NOX4: variants seen among roughly 807,000 people sequenced by gnomAD.
NOX4 encodes the protein kidney oxidase-1.
In NOX4, 69 loss-of-function variants were observed where a neutral mutation model predicts 87.6. The ratio of observed to expected loss-of-function variants is 0.79; its 90% CI spans 0.65 to 0.96. NOX4 has a LOEUF of 0.96. Ranked by LOEUF, NOX4 falls within the 40% of genes least tolerant of loss-of-function variation. The pLI, the probability that NOX4 is intolerant of heterozygous loss-of-function variation, is 0.00. For missense variants in NOX4, 680 were observed against 681.5 expected, an observed-to-expected ratio of 1.00 and a Z score of 0.02; for synonymous variants, 275 against 238.2, an observed-to-expected ratio of 1.15 and a Z score of -1.42.
the NOX4 span, among the ~76,000 whole-genome samples, chr11:89,582,206 C>A: frequency 6.6e-6 from 1 of 152,094 alleles, no homozygotes. Flanking sequence ...CTTTTTAAGG[C>A]TGAGTAATAT....
At chr11:89,424,734 A>C (rs1013739253) in intron 7 of NOX4, among the ~76,000 whole-genome samples, 5 of 152,070 alleles carry the variant, frequency 3.3e-5, no homozygotes, top group Non-Finnish European at 7.4e-5. Context: ...GGATACATTA[A>C]TTATTTTAAC....
At chr11:89,520,782 C>G in the NOX4 span, among the ~76,000 whole-genome samples, 1 of 152,076 alleles carries the variant, frequency 6.6e-6, no homozygotes, top group Non-Finnish European at 1.5e-5. Flanking sequence ...ATGATTCTAT[C>G]CCTAGAAAAC....
upstream of NOX4, among the ~76,000 whole-genome samples, chr11:89,499,779 G>A (rs140273174): frequency 0.011 from 1,728 of 152,202 alleles, 11 homozygotes; most frequent in Middle Eastern, 0.037. Flanking sequence ...AGAAACTGTG[G>A]AATTAATCTT....
intron 12 of NOX4, among the ~76,000 whole-genome samples, chr11:89,370,544 G>C (rs1156589676): frequency 6.6e-6 from 1 of 151,878 alleles, no homozygotes; most frequent in Non-Finnish European, 1.5e-5. Context: ...TGATAATCAA[G>C]TCAATAATCT....
chr11:89,519,231 G>C, the NOX4 span, among the ~76,000 whole-genome samples: 2 of 151,968 alleles, frequency 1.3e-5, no homozygotes, highest in African/African-American at 4.8e-5. Flanking sequence ...ATGGTTTTCA[G>C]GGAGTTAGGG....
At chr11:89,524,815 T>C in the NOX4 span, among the ~76,000 whole-genome samples, 1 of 152,132 alleles carries the variant, frequency 6.6e-6, no homozygotes, top group Non-Finnish European at 1.5e-5. Context: ...AACATTTTTG[T>C]GGTGAGAACA....
intron 12 of NOX4, among the ~76,000 whole-genome samples, chr11:89,358,712 T>G (rs1938278738): frequency 6.6e-6 from 1 of 151,672 alleles, no homozygotes; most frequent in African/African-American, 2.4e-5. Context: ...TGTTGTCTAT[T>G]TGATTATGAG....
chr11:89,366,554 TG>T (rs1939007112), intron 12 of NOX4, among the ~76,000 whole-genome samples: 1 of 151,802 alleles, frequency 6.6e-6, no homozygotes, highest in Non-Finnish European at 1.5e-5. Context: ...TCTGAGCCTG[TG>T]GTCCCAGTTA....
At chr11:89,449,089 C>T (rs997422819) in intron 4 of NOX4, among the ~76,000 whole-genome samples, 3 of 151,970 alleles carry the variant, frequency 2.0e-5, no homozygotes, top group African/African-American at 7.3e-5. Flanking sequence ...TCTGTAATTC[C>T]CTGTAGACAA....
At chr11:89,363,363 G>A (rs1435275836) in intron 12 of NOX4, among the ~76,000 whole-genome samples, 2 of 151,982 alleles carry the variant, frequency 1.3e-5, no homozygotes, top group Non-Finnish European at 2.9e-5. Flanking sequence ...ATCAGTTAAA[G>A]CATGTTTTAT....
At chr11:89,393,473 A>AT (rs762531862) in intron 11 of NOX4, among the ~76,000 whole-genome samples, 2 of 152,080 alleles carry the variant, frequency 1.3e-5, no homozygotes, top group Non-Finnish European at 1.5e-5. Flanking sequence ...CACACGACAG[A>AT]TTTTCAGTAC....
At position 89,460,310 on chromosome 11, in the gene NOX4, TG is replaced by T. The variant is rs1270187652; in HGVS notation, c.154-8416del. ...GGCAACAAAAGCCACAATTGACAAA[TG>T]GGATCTAATTAAACTAAAGAGCTTC... is the stretch of plus-strand genomic sequence containing the variant. On this transcript the variant is annotated intron_variant, in intron 2 of 17. Coordinates refer to ENST00000263317, the MANE Select transcript of NOX4 (RefSeq NM_016931.5). 4.6e-5 allele frequency among the ~76,000 whole-genome samples: 7 copies of T among 152,078 alleles called. No homozygotes were observed. In the East Asian group the frequency reaches 1.2e-3, roughly 25 times the overall value.
chr11:89,563,200 A>G, the NOX4 span, among the ~76,000 whole-genome samples: 2 of 152,210 alleles, frequency 1.3e-5, no homozygotes, highest in Non-Finnish European at 2.9e-5. Flanking sequence ...ATATTCAGAA[A>G]AGAGGCCCTA....
chr11:89,523,964 A>G, the NOX4 span, among the ~76,000 whole-genome samples: 1 of 152,202 alleles, frequency 6.6e-6, no homozygotes, highest in Non-Finnish European at 1.5e-5. Context: ...AAAACAAAAC[A>G]GATCAGCAGC....
intron 7 of NOX4, 94 bp from the exon 8 acceptor site, chr11:89,422,076 A>G: frequency 1.5e-6 from 1 of 663,434 alleles, no homozygotes; most frequent in Non-Finnish European, 2.5e-6. Context: ...ACATCTCACA[A>G]TTTAAAAAAG....
intron 8 of NOX4, 58 bp from the exon 9 acceptor site, chr11:89,402,600 C>T: frequency 1.6e-6 from 2 of 1,288,858 alleles, no homozygotes; most frequent in Non-Finnish European, 2.2e-6. Context: ...GATCAGGGGA[C>T]ACGGTAAAAG....
At chr11:89,565,961 T>C in the NOX4 span, among the ~76,000 whole-genome samples, 1 of 152,140 alleles carries the variant, frequency 6.6e-6, no homozygotes, top group Non-Finnish European at 1.5e-5. Context: ...TTTTTATGTA[T>C]TGCTGGATTT....
chr11:89,398,268 C>G (rs191949847), intron 11 of NOX4, among the ~76,000 whole-genome samples: 167 of 152,076 alleles, frequency 1.1e-3, no homozygotes, highest in South Asian at 9.4e-3. Context: ...ATTCAGCAGC[C>G]CTTCATGCTA....
intron 8 of NOX4, among the ~76,000 whole-genome samples, chr11:89,405,217 G>A (rs1942103835): frequency 6.6e-6 from 1 of 151,804 alleles, no homozygotes; most frequent in Admixed American, 6.6e-5. Flanking sequence ...ACTCTACCAT[G>A]CTCTAGGTCC....
Sources: allele counts gnomAD v4.1 joint callset (sites outside exome capture counted in the v4.1 genomes callset), GRCh38; gene constraint gnomAD v4.1.1; transcripts MANE v1.5; gene names NCBI Gene and HGNC (gene_info 2026-07-23, HGNC 2026-07-21).